PEX3: variants seen among roughly 807,000 people sequenced by gnomAD.
The protein encoded by PEX3 is peroxin-3.
Under a neutral mutation model 55.8 loss-of-function variants are expected in PEX3, and 30 were observed. The ratio of observed to expected loss-of-function variants is 0.54; its 90% confidence interval spans 0.40 to 0.73. The LOEUF (loss-of-function observed/expected upper bound fraction) is 0.73, where lower values mean the gene tolerates loss of function less well. PEX3 is among the 30% of genes least tolerant of loss of function. The probability of loss-of-function intolerance (pLI) is 0.00; values close to 1 mark genes in which losing one functional copy is unlikely to be tolerated. For synonymous variants in PEX3, 135 were observed against 148.4 expected, an observed-to-expected ratio of 0.91 and a Z score of 0.66; for missense variants, 351 against 432.8, an observed-to-expected ratio of 0.81 and a Z score of 1.68.
rs761190101 is a variant in PEX3 at position 143,458,433 on chromosome 6, A to G, written c.74-652A>G. On this transcript the variant is annotated intron_variant, in intron 1 of 11. Transcript: ENST00000367591. The surrounding 1 kb of genome is among the most constrained non-coding windows in gnomAD (Gnocchi z 6.1). The stretch of plus-strand genomic sequence containing the variant: ...AGAGATTTTTCTAACACATGGATGG[A>G]TAAATAGACTTCTGCCTGACTAACT... Among the ~76,000 whole-genome samples, 13 of 152,154 alleles carry G rather than the reference A, an allele frequency of 8.5e-5. No individual in the cohort carries two copies. Among genetic ancestry groups the G allele is most frequent in the Non-Finnish European group, 1.9e-4 (13 of 68,016 alleles).
In PEX3 at chr6:143,466,024, T is replaced by C. The variant is rs1265448699; in HGVS notation, c.288-2098T>C. ...AACAAAAGTGCTGCTCTGTGACAGA[T>C]TGGAAAGGAAAAGGAAAAAAAATGG... is the stretch of plus-strand genomic sequence containing the variant. On this transcript the variant is annotated intron_variant, in intron 3 of 11. Transcript: ENST00000367591. The surrounding 1 kb of genome is among the most constrained non-coding windows in gnomAD (Gnocchi z 5.4). 2.0e-5 allele frequency among the ~76,000 whole-genome samples: 3 copies of C among 152,010 alleles called. No individual in the cohort carries two copies. Among genetic ancestry groups the C allele is most frequent in the Admixed American group, 6.6e-5 (1 of 15,254 alleles).
At chr6:143,473,840 C>T (rs2128746980) in intron 8 of PEX3, among the ~76,000 whole-genome samples, 2 of 151,832 alleles carry the variant, frequency 1.3e-5, no homozygotes, top group Middle Eastern at 3.4e-3. Context: ...CCATTGCACT[C>T]CAGACTGGGC....
rs1584000437 is a variant in PEX3, at chr6:143,454,076, AACAT to A, written c.73+2967_73+2970del. On this transcript the variant is annotated intron_variant, in intron 1 of 11. Transcript: ENST00000367591. The surrounding 1 kb of genome is among the most constrained non-coding windows in gnomAD (Gnocchi z 4.3). ...TAAAATAATAAACCTATTACATATT[AACAT>A]ACATAACATTTTCAAAAAATTAATG... Among the ~76,000 whole-genome samples, 2 of 152,196 alleles carry A rather than the reference AACAT, an allele frequency of 1.3e-5. No individual in the cohort carries two copies. Among genetic ancestry groups the A allele is most frequent in the East Asian group, 3.8e-4 (2 of 5,204 alleles).
intron 3 of PEX3, among the ~76,000 whole-genome samples, chr6:143,467,491 G>A (rs1453596830): frequency 6.6e-6 from 1 of 152,044 alleles, no homozygotes; most frequent in Non-Finnish European, 1.5e-5. Context: ...ACCATTTCCT[G>A]CTATGAGAAA....
In PEX3 at chr6:143,471,565, G is replaced by A. The variant is rs1287762610; in HGVS notation, c.532G>A (p.Glu178Lys). The change falls in exon 7 of 12, where the codon GAA becomes AAA. Residue 178 changes from glutamate to lysine, a missense_variant. By Grantham distance (56) the Glu-to-Lys change is moderately conservative. Coordinates refer to ENST00000367591, the MANE Select transcript of PEX3 (RefSeq NM_003630.3). This position sits in a 1 kb window ranked among gnomAD's most constrained non-coding sequence, Gnocchi z 5.4. ...IQHLLGDGLT[E>K]LITVIKQAVQ... Reference sequence around the variant, plus strand: ...TGTTTTTTCTTTAATAGGCCTGACAGAATTGATCACTGTCATTAAACAAGC... The same window carrying A: ...TGTTTTTTCTTTAATAGGCCTGACAAAATTGATCACTGTCATTAAACAAGC... The A allele has an allele frequency of 6.2e-7, 1 of 1,612,342 alleles. No individual in the cohort carries two copies. The highest frequency in any genetic ancestry group is 8.5e-7 in the Non-Finnish European group (1 of 1,178,690).
In PEX3 at chr6:143,464,642, T is replaced by C. The variant is rs1379357218; in HGVS notation, c.287+1645T>C. On this transcript the variant is annotated intron_variant, in intron 3 of 11. Transcript: ENST00000367591. This position sits in a 1 kb window ranked among gnomAD's most constrained non-coding sequence, Gnocchi z 5.8. ...CCACAGTTCTCCTCATTCAGTTTCC[T>C]CTTTAAATATCTCAATGTTACTTCT... is the stretch of plus-strand genomic sequence containing the variant. 6.6e-6 allele frequency among the ~76,000 whole-genome samples: 1 copy of C among 151,962 alleles called. No individual in the cohort carries two copies. The highest frequency in any genetic ancestry group is 1.5e-5 in the Non-Finnish European group (1 of 67,858).
At chr6:143,473,016 G>A (rs1374802972) in intron 8 of PEX3, among the ~76,000 whole-genome samples, 1 of 152,160 alleles carries the variant, frequency 6.6e-6, no homozygotes, top group Non-Finnish European at 1.5e-5. Flanking sequence ...TCCTAAATTA[G>A]TAATTTTTCG....
chr6:143,464,337 C>A lies in PEX3; in HGVS notation c.287+1340C>A. Among the ~76,000 whole-genome samples the A allele has an allele frequency of 6.6e-6, 1 of 151,952 alleles. No homozygotes were observed. The highest frequency in any genetic ancestry group is 1.5e-5 in the Non-Finnish European group (1 of 67,914). ...CTTGGTGAATCTGTTTCCTGCAAGGCCCTATGTTCCATGTGCTTTAGGGGA... is the reference window on the plus strand; with the variant it reads ...CTTGGTGAATCTGTTTCCTGCAAGGACCTATGTTCCATGTGCTTTAGGGGA... On this transcript the variant is annotated intron_variant, in intron 3 of 11. Coordinates refer to ENST00000367591, the MANE Select transcript of PEX3 (RefSeq NM_003630.3). This position sits in a 1 kb window ranked among gnomAD's most constrained non-coding sequence, Gnocchi z 5.8.
Position 143,462,979 on chromosome 6 carries a change from CA to C in PEX3, c.270del (p.Ala91LeufsTer3). 1 of 1,613,010 alleles carries C rather than the reference CA, an allele frequency of 6.2e-7. No individual in the cohort carries two copies. Among genetic ancestry groups the C allele is most frequent in the Non-Finnish European group, 8.5e-7 (1 of 1,179,038 alleles). The stretch of plus-strand genomic sequence containing the variant: ...CAGCAACTGAATTCCGAGAGCCTCA[CA>C]GCTCTGCTAAAAAACAGGTAAATGC... ...LMQQLNSESL[T>X]ALLKNRPSNK... On this transcript the variant is annotated frameshift_variant, in exon 3 of 12. Transcript: ENST00000367591. LOFTEE classifies it high-confidence loss of function. The surrounding 1 kb of genome is among the most constrained non-coding windows in gnomAD (Gnocchi z 4.1).
chr6:143,485,110 G>A lies in PEX3; in HGVS notation c.942-42G>A, dbSNP rs1231589003. 1 of 1,011,444 alleles carries A rather than the reference G, an allele frequency of 9.9e-7. No individual in the cohort carries two copies. Among genetic ancestry groups the A allele is most frequent in the Admixed American group, 1.7e-5 (1 of 59,204 alleles). The allele number at this position is 1,011,444 out of a possible 1,614,324, so 62.7% of individuals were successfully genotyped here. Reference sequence around the variant, plus strand: ...ATAATTAAGATGTTAAAGTCCTGTGGGGTCATTTCAGAAAATAATCATTAC... The same window carrying A: ...ATAATTAAGATGTTAAAGTCCTGTGAGGTCATTTCAGAAAATAATCATTAC... On this transcript the variant is annotated intron_variant, in intron 10 of 11. Transcript: ENST00000367591. This position sits in a 1 kb window ranked among gnomAD's most constrained non-coding sequence, Gnocchi z 5.6.
chr6:143,455,171 ATTTTCTTTTCTTTTCTTTTC>A lies in PEX3; in HGVS notation c.74-3894_74-3875del, dbSNP rs58331398. On this transcript the variant is annotated intron_variant, in intron 1 of 11. Coordinates refer to ENST00000367591, the MANE Select transcript of PEX3 (RefSeq NM_003630.3). Reference sequence around the variant, plus strand: ...CATGCAAGATAAGACATTTGGGGGTATTTTCTTTTCTTTTCTTTTCTTTTCTTTTCTTTTCTTTTGAGACG... The same window carrying A: ...CATGCAAGATAAGACATTTGGGGGTATTTTCTTTTCTTTTCTTTTGAGACG... 1.4e-4 allele frequency among the ~76,000 whole-genome samples: 20 copies of A among 143,970 alleles called. 1 individual carries two copies. In the South Asian group the frequency reaches 1.6e-3, roughly 11 times the overall value. 94.4% of individuals were successfully genotyped at this position (143,970 alleles called of 152,430 possible).
chr6:143,487,875 A>G lies in PEX3; in HGVS notation c.1039-1268A>G, dbSNP rs1020007184. 9.2e-5 allele frequency among the ~76,000 whole-genome samples: 14 copies of G among 152,168 alleles called. No homozygotes were observed. Among genetic ancestry groups the G allele is most frequent in the African/African-American group, 3.4e-4 (14 of 41,468 alleles). The stretch of plus-strand genomic sequence containing the variant: ...AAAGTAATGTTACTTAAAGCCAATA[A>G]GAACATAAATATAAACAAATGCCCT... On this transcript the variant is annotated intron_variant, in intron 11 of 11. Transcript: ENST00000367591. The surrounding 1 kb of genome is among the most constrained non-coding windows in gnomAD (Gnocchi z 5.3).
chr6:143,469,431 G>T (rs917322441), intron 4 of PEX3, among the ~76,000 whole-genome samples: 6 of 152,358 alleles, frequency 3.9e-5, no homozygotes, highest in African/African-American at 1.4e-4. Flanking sequence ...GGGCAGTGAT[G>T]ATGAGCATTT....
rs749551773 is a variant in PEX3, at chr6:143,472,258, A to C, written c.677A>C (p.Asn226Thr). 6 of 1,608,928 alleles carry C rather than the reference A, an allele frequency of 3.7e-6. No homozygotes were observed. In the South Asian group the frequency reaches 6.6e-5, roughly 18 times the overall value. ...VEQHKSSSWI[N>T]KDGSKPLLCH... ...CAGCATAAGTCTTCTTCTTGGATTA[A>C]TAAAGATGGATCCAAACCTTTATTA... Residue 226 changes from asparagine (N) to threonine (T), a missense_variant, in exon 8 of 12, where the codon AAT becomes ACT. Asn to Thr is a moderately conservative substitution (Grantham distance 65). Transcript: ENST00000367591.
At chr6:143,469,687 G>C (rs564212779) in intron 4 of PEX3, among the ~76,000 whole-genome samples, 1 of 152,034 alleles carries the variant, frequency 6.6e-6, no homozygotes, top group Non-Finnish European at 1.5e-5. Context: ...TTAATTAGAT[G>C]CCATTTGTCC....
At chr6:143,455,737 C>G (rs1779837801) in intron 1 of PEX3, among the ~76,000 whole-genome samples, 1 of 152,050 alleles carries the variant, frequency 6.6e-6, no homozygotes, top group South Asian at 2.1e-4. Context: ...AGTTAGGGAC[C>G]TATTGAACCA....
In PEX3 at chr6:143,472,346, AT is replaced by A; in HGVS notation, c.747+21del. The A allele has an allele frequency of 6.4e-7, 1 of 1,567,012 alleles. No individual in the cohort carries two copies. Among genetic ancestry groups the A allele is most frequent in the Non-Finnish European group, 8.8e-7 (1 of 1,138,830 alleles). On this transcript the variant is annotated intron_variant, in intron 8 of 11. Coordinates refer to ENST00000367591, the MANE Select transcript of PEX3 (RefSeq NM_003630.3). ...CAGTGCAGGTGCTTAATTCATAACCATTTAACCAAACCAGTTACTCTATTCT... is the reference window on the plus strand; with the variant it reads ...CAGTGCAGGTGCTTAATTCATAACCATTAACCAAACCAGTTACTCTATTCT...
In PEX3 at chr6:143,459,584, G is replaced by T. The variant is rs1339950189; in HGVS notation, c.205+368G>T. On this transcript the variant is annotated intron_variant, in intron 2 of 11. Coordinates refer to ENST00000367591, the MANE Select transcript of PEX3 (RefSeq NM_003630.3). This position sits in a 1 kb window ranked among gnomAD's most constrained non-coding sequence, Gnocchi z 4.2. ...CATAAAGCCATGTGAGGGCTGGAAC[G>T]TTCTTTAAGACAGGGGATCAGTAGA... 6.6e-6 allele frequency among the ~76,000 whole-genome samples: 1 copy of T among 152,162 alleles called. No homozygotes were observed. The highest frequency in any genetic ancestry group is 6.5e-5 in the Admixed American group (1 of 15,282).
chr6:143,489,543 TAA>T lies in PEX3; in HGVS notation c.*321_*322del, dbSNP rs771525459. 4.9e-4 allele frequency: 77 copies of T among 155,972 alleles called. No individual in the cohort carries two copies. Among genetic ancestry groups the T allele is most frequent in the East Asian group, 1.8e-3 (10 of 5,454 alleles). The allele number at this position is 155,972 out of a possible 1,614,324, so 9.7% of individuals were successfully genotyped here. A position where few individuals can be genotyped will look rare whatever the true frequency, so the allele number is the denominator to read the frequency against. On this transcript the variant is annotated 3_prime_UTR_variant, in exon 12 of 12. Transcript: ENST00000367591. The surrounding 1 kb of genome is among the most constrained non-coding windows in gnomAD (Gnocchi z 5.5). ...GATATTTTATATACATATATATATATAAAAATACAAAATTCAGTGTACTTTAC... is the reference window on the plus strand; with the variant it reads ...GATATTTTATATACATATATATATATAAATACAAAATTCAGTGTACTTTAC...
Sources: allele counts gnomAD v4.1 joint callset (sites outside exome capture counted in the v4.1 genomes callset), GRCh38; gene constraint gnomAD v4.1.1; non-coding constraint Gnocchi (gnomAD v3.1); transcripts MANE v1.5; gene names NCBI Gene and HGNC (gene_info 2026-07-23, HGNC 2026-07-21).